Variants in ITPR2 observed in about 807,000 individuals in gnomAD.
ITPR2 encodes inositol 1,4,5-trisphosphate-gated calcium channel ITPR2.
Under a neutral mutation model 317.1 loss-of-function variants are expected in ITPR2, and 207 were observed. The observed-to-expected ratio is 0.65, with a 90% confidence interval of 0.58 to 0.73. The LOEUF (loss-of-function observed/expected upper bound fraction) is 0.73, where lower values mean the gene tolerates loss of function less well. Ranked by LOEUF, ITPR2 falls within the 30% of genes least tolerant of loss-of-function variation. The probability of loss-of-function intolerance (pLI) is 0.00; values close to 1 mark genes in which losing one functional copy is unlikely to be tolerated. For synonymous variants in ITPR2, 1,156 were observed against 1,149.1 expected, an observed-to-expected ratio of 1.01 and a Z score of -0.12; for missense variants, 2,613 against 3,284.0, an observed-to-expected ratio of 0.80 and a Z score of 4.99.
At chr12:26,498,326 G>A (rs1336029321) in intron 37 of ITPR2, among the ~76,000 whole-genome samples, 1 of 152,134 alleles carries the variant, frequency 6.6e-6, no homozygotes, top group Non-Finnish European at 1.5e-5. Flanking sequence ...CATAAGACAT[G>A]AAAATCGTCC....
chr12:26,730,302 A>AT (rs1949004425), intron 2 of ITPR2, among the ~76,000 whole-genome samples: 1 of 152,220 alleles, frequency 6.6e-6, no homozygotes, highest in African/African-American at 2.4e-5. Context: ...GATTACAGCT[A>AT]TTTCAGAGCA....
intron 37 of ITPR2, among the ~76,000 whole-genome samples, chr12:26,502,445 C>T (rs765189174): frequency 1.1e-4 from 16 of 152,198 alleles, no homozygotes; most frequent in Non-Finnish European, 1.9e-4. Context: ...ATCAGTGCCT[C>T]ATAAAATCAC....
chr12:26,439,585 A>C (rs1941437916), intron 46 of ITPR2, among the ~76,000 whole-genome samples: 1 of 152,246 alleles, frequency 6.6e-6, no homozygotes, highest in South Asian at 2.1e-4. Context: ...TTTCTGGGTT[A>C]GCATTACACT....
At chr12:26,782,011 TATATATATATATATATATATATGTATAG>T (rs768921847) in intron 2 of ITPR2, among the ~76,000 whole-genome samples, 9,578 of 48,712 alleles carry the variant, frequency 0.2, 637 homozygotes, top group Non-Finnish European at 0.26. Flanking sequence ...TATATATATA[TATATATATATATATATATATATGTATAG>T]AGAGAGAGAG....
chr12:26,530,022 T>C (rs972588044), intron 37 of ITPR2, among the ~76,000 whole-genome samples: 2 of 152,224 alleles, frequency 1.3e-5, no homozygotes, highest in Non-Finnish European at 1.5e-5. Context: ...CTACCTCCAA[T>C]ATTTCTGAAA....
chr12:26,721,284 A>C (rs781756660), intron 5 of ITPR2: 12 of 596,642 alleles, frequency 2.0e-5, no homozygotes, highest in Admixed American at 6.9e-5. Context: ...ACCAAACCTT[A>C]CCAAAGGAAG....
At chr12:26,480,695 C>T (rs1327042341) in intron 43 of ITPR2, among the ~76,000 whole-genome samples, 5 of 151,938 alleles carry the variant, frequency 3.3e-5, no homozygotes, top group Admixed American at 3.3e-4. Flanking sequence ...CAAAAATTAG[C>T]CAGGCATGGT....
At chr12:26,659,387 T>C (rs1489043894) in intron 15 of ITPR2, 102 bp from the exon 16 acceptor site, 2 of 1,030,594 alleles carry the variant, frequency 1.9e-6, no homozygotes, top group Admixed American at 2.7e-5. Flanking sequence ...CAACAGAAGG[T>C]TCACTAAAAA....
At chr12:26,648,571 T>C (rs1744501198) in intron 21 of ITPR2, among the ~76,000 whole-genome samples, 1 of 147,422 alleles carries the variant, frequency 6.8e-6, no homozygotes, top group Non-Finnish European at 1.5e-5. Flanking sequence ...AAAGTTTCAT[T>C]AAAAGAGAAA....
intron 34 of ITPR2, among the ~76,000 whole-genome samples, chr12:26,563,415 C>T (rs186927298): frequency 3.5e-4 from 54 of 152,122 alleles, no homozygotes; most frequent in South Asian, 1.2e-3. Flanking sequence ...ACTAAAAATA[C>T]GAAAACTAGC....
intron 23 of ITPR2, among the ~76,000 whole-genome samples, chr12:26,624,776 C>A (rs377348760): frequency 6.5e-3 from 898 of 137,482 alleles, no homozygotes; most frequent in East Asian, 8.0e-3. Context: ...CGAGGTTTCT[C>A]AAAAAAAAAA....
intron 37 of ITPR2, among the ~76,000 whole-genome samples, chr12:26,542,319 G>A (rs952873669): frequency 1.4e-4 from 22 of 152,288 alleles, no homozygotes; most frequent in Admixed American, 6.5e-4. Context: ...TTGTAACTGA[G>A]AAAATAAATG....
chr12:26,422,298 GAAT>G (rs143848555), intron 49 of ITPR2, among the ~76,000 whole-genome samples: 11,520 of 149,872 alleles, frequency 0.077, 479 homozygotes, highest in African/African-American at 0.11. Flanking sequence ...AATTATTATT[GAAT>G]AATAATAATA....
intron 34 of ITPR2, among the ~76,000 whole-genome samples, chr12:26,574,741 A>G (rs1945237005): frequency 6.6e-6 from 1 of 152,144 alleles, no homozygotes; most frequent in African/African-American, 2.4e-5. Context: ...GGCCTCAGGA[A>G]GCTTCCACTC....
chr12:26,794,390 T>C (rs571741441), intron 1 of ITPR2, among the ~76,000 whole-genome samples: 1 of 152,308 alleles, frequency 6.6e-6, no homozygotes, highest in Admixed American at 6.5e-5. Flanking sequence ...AATGCATCGT[T>C]TTCTTATCTA....
chr12:26,509,958 T>TTGTGTGTGTGTGTG (rs56063133), intron 37 of ITPR2, among the ~76,000 whole-genome samples: 2,480 of 53,070 alleles, frequency 0.047, 228 homozygotes, highest in Non-Finnish European at 0.072. Context: ...GATAAGGGTT[T>TTGTGTGTGTGTGTG]TGTGTGTGTG....
intron 15 of ITPR2, among the ~76,000 whole-genome samples, chr12:26,662,643 T>C (rs977185520): frequency 2.0e-5 from 3 of 152,236 alleles, no homozygotes; most frequent in African/African-American, 7.2e-5. Flanking sequence ...ATTTACATTA[T>C]TGAACACATT....
intron 20 of ITPR2, 30 bp from the exon 21 acceptor site, chr12:26,654,156 G>C (rs200253174): frequency 1.9e-5 from 29 of 1,513,380 alleles, no homozygotes; most frequent in Non-Finnish European, 2.4e-5. Flanking sequence ...CGGGGAGGGG[G>C]AGGGTGAAAG....
rs1328610922 is a variant in ITPR2, at chr12:26,657,696, T to C, written c.2192+11A>G. ...CTGGGAATTATTGTAAGATTGTCTA[T>C]AATACTTAACCTGTAATAGGTAAGA... is the stretch of plus-strand genomic sequence containing the variant. On this transcript the variant is annotated intron_variant, in intron 18 of 56. Transcript: ENST00000381340. 1.9e-6 allele frequency: 3 copies of C among 1,609,838 alleles called. No homozygotes were observed. The highest frequency in any genetic ancestry group is 2.5e-6 in the Non-Finnish European group (3 of 1,176,532).
Sources: gnomAD v4.1 joint callset for allele counts (sites outside exome capture counted in the v4.1 genomes callset) on GRCh38, gnomAD v4.1.1 for gene constraint, MANE v1.5 for transcripts, NCBI Gene and HGNC (gene_info 2026-07-23, HGNC 2026-07-21) for gene names.